TNFSF4: variants seen among roughly 807,000 people sequenced by gnomAD.
The protein encoded by TNFSF4 is TNF superfamily member 4.
TNFSF4 carries 4 observed loss-of-function variants against 7.3 expected under a neutral mutation model. That is an observed-to-expected ratio of 0.55 (90% CI 0.27 to 1.25). TNFSF4 has a LOEUF of 1.25. Among genes scored for constraint, TNFSF4 ranks in the 50% most tolerant of loss-of-function variants. The pLI, the probability that TNFSF4 is intolerant of heterozygous loss-of-function variation, is 0.12. For missense variants in TNFSF4, 181 were observed against 208.8 expected, an observed-to-expected ratio of 0.87 and a Z score of 0.82; for synonymous variants, 76 against 83.7, an observed-to-expected ratio of 0.91 and a Z score of 0.50.
the TNFSF4 span, among the ~76,000 whole-genome samples, chr1:173,381,984 G>C: frequency 2.6e-5 from 4 of 152,094 alleles, no homozygotes; most frequent in Non-Finnish European, 5.9e-5. Flanking sequence ...CAGGACGTGG[G>C]CAGGGTGAAA....
chr1:173,320,404 T>A, the TNFSF4 span, among the ~76,000 whole-genome samples: 1 of 152,210 alleles, frequency 6.6e-6, no homozygotes, highest in African/African-American at 2.4e-5. Flanking sequence ...CTGGAATCAT[T>A]CCCTTTGAAA....
the TNFSF4 span, chr1:173,417,934 CT>C: frequency 0.86 from 117,483 of 136,546 alleles, 50,566 homozygotes; most frequent in South Asian, 0.96. Flanking sequence ...CTTTTTTTTT[CT>C]TTTTTTTTTT....
chr1:173,407,629 T>C, the TNFSF4 span, among the ~76,000 whole-genome samples: 5 of 150,954 alleles, frequency 3.3e-5, no homozygotes, highest in South Asian at 1.0e-3. Flanking sequence ...TGTGCTGCTG[T>C]AGATTAAAAT....
At chr1:173,205,324 G>A (rs758155163) in intron 1 of TNFSF4, 1 of 1,612,138 alleles carries the variant, frequency 6.2e-7, no homozygotes, top group South Asian at 1.1e-5. Flanking sequence ...GAGGTTTAGT[G>A]TCCTAGAAAC....
At chr1:173,292,650 A>C in the TNFSF4 span, among the ~76,000 whole-genome samples, 1 of 148,930 alleles carries the variant, frequency 6.7e-6, no homozygotes, top group African/African-American at 2.5e-5. Flanking sequence ...CAGAGCAATC[A>C]GGAAAAAAAA....
chr1:173,209,128 G>A (rs143208751), upstream of TNFSF4, among the ~76,000 whole-genome samples: 1,274 of 152,052 alleles, frequency 8.4e-3, 15 homozygotes, highest in African/African-American at 0.029. Context: ...TTGTCTTGTC[G>A]TCCTACTACC....
rs568930174 is a variant in TNFSF4, at chr1:173,199,198, C to T, written c.153+7826G>A. Reference sequence around the variant, plus strand: ...GGGAGGACCACGTCTATTTCACTCACCTTTGTGTCCTCAGTGCCTGACAGG... The same window carrying T: ...GGGAGGACCACGTCTATTTCACTCATCTTTGTGTCCTCAGTGCCTGACAGG... On this transcript the variant is annotated intron_variant, in intron 1 of 2. Transcript: ENST00000281834. Among the ~76,000 whole-genome samples, 12 of 152,300 alleles carry T rather than the reference C, an allele frequency of 7.9e-5. No homozygotes were observed. The South Asian group carries it at 1.7e-3, about 21-fold the overall frequency.
the TNFSF4 span, among the ~76,000 whole-genome samples, chr1:173,339,788 G>A: frequency 6.6e-6 from 1 of 152,086 alleles, no homozygotes; most frequent in Non-Finnish European, 1.5e-5. Context: ...TCATGTTAGG[G>A]CAAAATATGA....
the TNFSF4 span, among the ~76,000 whole-genome samples, chr1:173,175,678 G>A: frequency 6.6e-6 from 1 of 152,176 alleles, no homozygotes; most frequent in Non-Finnish European, 1.5e-5. Flanking sequence ...ATGACTTACT[G>A]TAATTTGAGA....
At chr1:173,335,859 A>C in the TNFSF4 span, among the ~76,000 whole-genome samples, 7 of 152,254 alleles carry the variant, frequency 4.6e-5, no homozygotes, top group Non-Finnish European at 1.0e-4. Context: ...AGCCAAGGTT[A>C]CTATAGATTG....
chr1:173,372,374 C>T, the TNFSF4 span, among the ~76,000 whole-genome samples: 2 of 152,176 alleles, frequency 1.3e-5, no homozygotes, highest in Non-Finnish European at 2.9e-5. Flanking sequence ...CAGAAACAGA[C>T]TTCAAAACCT....
chr1:173,338,251 G>A, the TNFSF4 span, among the ~76,000 whole-genome samples: 2 of 152,182 alleles, frequency 1.3e-5, no homozygotes, highest in Non-Finnish European at 1.5e-5. Context: ...TGTCCTTACT[G>A]AAATAGACAT....
chr1:173,385,739 T>G, the TNFSF4 span, among the ~76,000 whole-genome samples: 1 of 152,134 alleles, frequency 6.6e-6, no homozygotes, highest in Non-Finnish European at 1.5e-5. Context: ...CTTGGGAGGC[T>G]GAGGCACGAG....
At chr1:173,224,061 T>C in the TNFSF4 span, among the ~76,000 whole-genome samples, 4 of 152,138 alleles carry the variant, frequency 2.6e-5, no homozygotes, top group Non-Finnish European at 5.9e-5. Flanking sequence ...CCAGACCCAC[T>C]AGACTAGAGA....
At chr1:173,407,945 T>C in the TNFSF4 span, among the ~76,000 whole-genome samples, 1 of 152,170 alleles carries the variant, frequency 6.6e-6, no homozygotes, top group Non-Finnish European at 1.5e-5. Flanking sequence ...ATGGGACTCA[T>C]GCCCTTATAG....
At chr1:173,174,871 G>A in the TNFSF4 span, among the ~76,000 whole-genome samples, 1 of 152,138 alleles carries the variant, frequency 6.6e-6, no homozygotes, top group African/African-American at 2.4e-5. Context: ...GAAACAAAAA[G>A]CTACAGGGCT....
the TNFSF4 span, among the ~76,000 whole-genome samples, chr1:173,217,959 G>A: frequency 6.6e-6 from 1 of 152,098 alleles, no homozygotes; most frequent in Non-Finnish European, 1.5e-5. Context: ...ATGTTGCCCA[G>A]GCTGATCTTG....
chr1:173,357,998 G>C, the TNFSF4 span, among the ~76,000 whole-genome samples: 1 of 152,214 alleles, frequency 6.6e-6, no homozygotes, highest in East Asian at 1.9e-4. Flanking sequence ...TATGTAAGTT[G>C]CATGATAAAG....
the TNFSF4 span, among the ~76,000 whole-genome samples, chr1:173,364,142 A>G: frequency 1.3e-5 from 2 of 151,726 alleles, no homozygotes; most frequent in Non-Finnish European, 2.9e-5. Flanking sequence ...ATAGGGAAAG[A>G]ATAAAAATAT....
Sources: allele counts gnomAD v4.1 joint callset (sites outside exome capture counted in the v4.1 genomes callset), GRCh38; gene constraint gnomAD v4.1.1; transcripts MANE v1.5; gene names NCBI Gene and HGNC (gene_info 2026-07-23, HGNC 2026-07-21).